The following DPYD variants were observed in gnomAD, a reference collection of about 807,000 sequenced individuals.
The protein encoded by DPYD is dihydropyrimidine dehydrogenase [NADP(+)].
Under a neutral mutation model 116.2 loss-of-function variants are expected in DPYD, and 109 were observed. That is an observed-to-expected ratio of 0.94 (90% CI 0.80 to 1.10). DPYD has a LOEUF of 1.10. Ranked by LOEUF, DPYD falls within the 50% of genes least tolerant of loss-of-function variation. The pLI is 0.00. For synonymous variants in DPYD, 440 were observed against 432.0 expected (o/e 1.02, Z -0.23); for missense variants, 1,302 against 1,254.5 (o/e 1.04, Z -0.57).
intron 3 of DPYD, among the ~76,000 whole-genome samples, chr1:97,817,731 A>G (rs1238027816): frequency 6.6e-6 from 1 of 152,098 alleles, no homozygotes; most frequent in East Asian, 1.9e-4. Flanking sequence ...TGATTCAAAA[A>G]GCAATTTACT....
intron 15 of DPYD, among the ~76,000 whole-genome samples, chr1:97,381,550 C>T (rs982691959): frequency 1.3e-5 from 2 of 152,152 alleles, no homozygotes; most frequent in African/African-American, 4.8e-5. Flanking sequence ...TTTCACCCCT[C>T]TAAGTCCCAG....
intron 8 of DPYD, among the ~76,000 whole-genome samples, chr1:97,640,730 T>C (rs1657842169): frequency 6.6e-6 from 1 of 151,924 alleles, no homozygotes. Flanking sequence ...AGAGCCTGAG[T>C]TTTCCACAAC....
chr1:97,488,266 C>A (rs926697694), intron 13 of DPYD, among the ~76,000 whole-genome samples: 1 of 151,716 alleles, frequency 6.6e-6, no homozygotes, highest in Non-Finnish European at 1.5e-5. Flanking sequence ...GGTTTCCAGG[C>A]GTTAGGAATG....
intron 15 of DPYD, among the ~76,000 whole-genome samples, chr1:97,374,562 T>C (rs1352049943): frequency 6.6e-6 from 1 of 151,062 alleles, no homozygotes; most frequent in Admixed American, 6.6e-5. Flanking sequence ...CTACTAAAAA[T>C]ACAAAAATTA....
intron 3 of DPYD, among the ~76,000 whole-genome samples, chr1:97,744,619 T>C (rs2101080348): frequency 6.6e-6 from 1 of 152,166 alleles, no homozygotes; most frequent in South Asian, 2.1e-4. Flanking sequence ...AGTATTCACA[T>C]TAAAAATTAA....
chr1:97,304,115 C>T (rs1366593634), intron 18 of DPYD, among the ~76,000 whole-genome samples: 1 of 151,940 alleles, frequency 6.6e-6, no homozygotes, highest in Admixed American at 6.6e-5. Context: ...ATGTTCAGCA[C>T]CCTCTGTGAC....
chr1:97,515,549 C>T (rs534297241), intron 13 of DPYD, among the ~76,000 whole-genome samples, 177 bp downstream of exon 13: 1 of 151,694 alleles, frequency 6.6e-6, no homozygotes, highest in Admixed American at 6.6e-5. Context: ...TATGCCTGCC[C>T]CTTCTTCCAT....
At chr1:97,360,978 G>A (rs1216269305) in intron 16 of DPYD, among the ~76,000 whole-genome samples, 1 of 152,014 alleles carries the variant, frequency 6.6e-6, no homozygotes, top group Non-Finnish European at 1.5e-5. Flanking sequence ...AGGAGATAGA[G>A]ACACAAAATA....
In DPYD at chr1:97,578,498, T is replaced by C. The variant is rs538194482; in HGVS notation, c.1129-4528A>G. On this transcript the variant is annotated intron_variant, in intron 10 of 22. Transcript: ENST00000370192. ...AAATCTGTGGACAAGCATTATTTTC[T>C]TCCTACAGAGGAGAAACTGAGGCTC... Among the ~76,000 whole-genome samples, 407 of 152,288 alleles carry C rather than the reference T, an allele frequency of 2.7e-3. 2 individuals carry two copies. The highest frequency in any genetic ancestry group is 6.8e-3 in the Middle Eastern group (2 of 294).
intron 19 of DPYD, among the ~76,000 whole-genome samples, chr1:97,196,457 A>T (rs1658820224): frequency 6.6e-6 from 1 of 152,072 alleles, no homozygotes; most frequent in Admixed American, 6.6e-5. Context: ...TTATGTTTTA[A>T]GGAGATACAG....
At chr1:97,304,326 T>C (rs1667035227) in intron 18 of DPYD, among the ~76,000 whole-genome samples, 1 of 152,026 alleles carries the variant, frequency 6.6e-6, no homozygotes, top group East Asian at 1.9e-4. Flanking sequence ...GAGCTGTGTC[T>C]GGAGCCTGAG....
chr1:97,567,922 G>A (rs909624295), intron 11 of DPYD, among the ~76,000 whole-genome samples: 2 of 151,914 alleles, frequency 1.3e-5, no homozygotes, highest in Non-Finnish European at 2.9e-5. Context: ...TGCACAACGT[G>A]TAGGTTTGTT....
At chr1:97,671,152 C>A (rs995275671) in intron 8 of DPYD, among the ~76,000 whole-genome samples, 2 of 151,770 alleles carry the variant, frequency 1.3e-5, no homozygotes, top group African/African-American at 4.8e-5. Context: ...TCCTTTTTTA[C>A]AATAATACGG....
chr1:97,240,418 A>C (rs1043854926), intron 18 of DPYD, among the ~76,000 whole-genome samples: 22 of 151,970 alleles, frequency 1.4e-4, no homozygotes, highest in African/African-American at 4.3e-4. Flanking sequence ...ATTTTGAATA[A>C]TTGAGTTTAA....
intron 13 of DPYD, among the ~76,000 whole-genome samples, chr1:97,515,315 T>C (rs1423908499): frequency 6.6e-6 from 1 of 151,916 alleles, no homozygotes; most frequent in Non-Finnish European, 1.5e-5. Context: ...ATCTATCTTA[T>C]CACCAATACC....
chr1:97,859,005 T>C (rs1013902605), intron 2 of DPYD, among the ~76,000 whole-genome samples: 2 of 152,132 alleles, frequency 1.3e-5, no homozygotes, highest in African/African-American at 2.4e-5. Flanking sequence ...TTCAAATTTT[T>C]ACTCAACTTT....
At chr1:97,666,911 G>GT (rs1228850212) in intron 8 of DPYD, among the ~76,000 whole-genome samples, 1 of 152,100 alleles carries the variant, frequency 6.6e-6, no homozygotes. Context: ...CACTTAAAAT[G>GT]TTTTTTCTTA....
At chr1:97,838,388 A>G (rs1036685616) in intron 2 of DPYD, among the ~76,000 whole-genome samples, 3 of 152,204 alleles carry the variant, frequency 2.0e-5, no homozygotes, top group East Asian at 3.8e-4. Flanking sequence ...AAAACAGAAT[A>G]TATTTTCCTA....
chr1:97,196,120 G>A (rs1167794915), intron 19 of DPYD, among the ~76,000 whole-genome samples: 2 of 151,932 alleles, frequency 1.3e-5, no homozygotes, highest in Non-Finnish European at 2.9e-5. Flanking sequence ...TTATTTTTGA[G>A]ACAGAGTCTT....
Sources: allele counts gnomAD v4.1 joint callset (sites outside exome capture counted in the v4.1 genomes callset), GRCh38; gene constraint gnomAD v4.1.1; transcripts MANE v1.5; gene names NCBI Gene and HGNC (gene_info 2026-07-23, HGNC 2026-07-21).